The following DPP6 variants were observed in gnomAD, a reference collection of about 807,000 sequenced individuals.
DPP6 encodes the protein A-type potassium channel modulatory protein DPP6.
DPP6 carries 69 observed loss-of-function variants against 122.6 expected under a neutral mutation model. That is an observed-to-expected ratio of 0.56 (90% CI 0.46 to 0.69). The LOEUF is 0.69. Ranked by LOEUF, DPP6 falls within the 30% of genes least tolerant of loss-of-function variation. The pLI, the probability that DPP6 is intolerant of heterozygous loss-of-function variation, is 0.00. For missense variants in DPP6, 928 were observed against 1,116.9 expected (o/e 0.83, Z 2.41); for synonymous variants, 418 against 433.1 (o/e 0.97, Z 0.43).
At chr7:154,115,978 G>A (rs1265025408) in intron 1 of DPP6, among the ~76,000 whole-genome samples, 1 of 151,698 alleles carries the variant, frequency 6.6e-6, no homozygotes, top group Non-Finnish European at 1.5e-5. Context: ...GAACAGCTTA[G>A]TTATAAAGTC....
intron 6 of DPP6, among the ~76,000 whole-genome samples, chr7:154,649,488 C>A (rs1475771286): frequency 6.6e-6 from 1 of 152,190 alleles, no homozygotes; most frequent in Non-Finnish European, 1.5e-5. Flanking sequence ...CCATTAAGAA[C>A]TCTGCCTTTT....
chr7:154,838,667 T>TTAGGG (rs1801278613), intron 16 of DPP6: 1 of 152,208 alleles, frequency 6.6e-6, no homozygotes, highest in African/African-American at 2.4e-5. Flanking sequence ...TGCTGGCCCC[T>TTAGGG]AAGGACGCAC....
chr7:154,528,275 T>C (rs192672254), intron 3 of DPP6, among the ~76,000 whole-genome samples: 211 of 152,342 alleles, frequency 1.4e-3, no homozygotes, highest in African/African-American at 4.9e-3. Context: ...TCCCTATCCA[T>C]ATAGCGTTAA....
intron 1 of DPP6, among the ~76,000 whole-genome samples, chr7:154,330,882 T>C (rs1380952089): frequency 1.3e-5 from 2 of 152,208 alleles, no homozygotes; most frequent in African/African-American, 2.4e-5. Context: ...GCAGAGCAGC[T>C]GTATGACTCC....
intron 1 of DPP6, among the ~76,000 whole-genome samples, chr7:154,256,940 G>C (rs1802691579): frequency 6.6e-6 from 1 of 151,832 alleles, no homozygotes; most frequent in Non-Finnish European, 1.5e-5. Flanking sequence ...CCAGGCTTTA[G>C]AGTGACAGCA....
chr7:154,753,178 C>A (rs1843483745), intron 8 of DPP6, among the ~76,000 whole-genome samples: 1 of 152,188 alleles, frequency 6.6e-6, no homozygotes, highest in Admixed American at 6.5e-5. Flanking sequence ...TAAACAGTTT[C>A]TTTGGTGCTA....
At chr7:153,774,301 CGG>C in the DPP6 span, among the ~76,000 whole-genome samples, 1 of 151,978 alleles carries the variant, frequency 6.6e-6, no homozygotes, top group South Asian at 2.1e-4. Context: ...TCCTTTTCAC[CGG>C]AAGGTACAAT....
At chr7:154,746,617 C>A (rs1244320499) in intron 8 of DPP6, among the ~76,000 whole-genome samples, 5 of 152,192 alleles carry the variant, frequency 3.3e-5, no homozygotes, top group African/African-American at 1.2e-4. Flanking sequence ...CTTTGGACCA[C>A]AATCACCCAA....
At chr7:153,973,700 C>T (rs1191907869) in intron 1 of DPP6, among the ~76,000 whole-genome samples, 4 of 150,118 alleles carry the variant, frequency 2.7e-5, no homozygotes, top group Admixed American at 6.7e-5. Flanking sequence ...GTTTCAGTCT[C>T]TTCTCGTATT....
rs6942936 is a variant in DPP6, at chr7:154,000,813, G to A, written c.51+113079G>A. On this transcript the variant is annotated intron_variant, in intron 1 of 25. Coordinates refer to the DPP6 transcript ENST00000404039. Reference sequence around the variant, plus strand: ...GGCCACTGCGACCTCTCTTTTCTAGGCATAAACCTGAGTCCCTGGCCCAGG... The same window carrying A: ...GGCCACTGCGACCTCTCTTTTCTAGACATAAACCTGAGTCCCTGGCCCAGG... 5.8e-3 allele frequency among the ~76,000 whole-genome samples: 886 copies of A among 152,146 alleles called. 7 individuals carry two copies. Among genetic ancestry groups the A allele is most frequent in the African/African-American group, 0.021 (852 of 41,506 alleles).
intron 1 of DPP6, among the ~76,000 whole-genome samples, chr7:153,898,271 A>G (rs1012809248): frequency 2.0e-5 from 3 of 152,094 alleles, no homozygotes; most frequent in African/African-American, 4.8e-5. Context: ...TGGGCCACAC[A>G]ACAAGACGCC....
intron 1 of DPP6, among the ~76,000 whole-genome samples, chr7:154,061,242 C>A (rs566193084): frequency 4.7e-5 from 7 of 149,496 alleles, no homozygotes; most frequent in Admixed American, 2.0e-4. Flanking sequence ...GGACCCGGAA[C>A]TTTTGAAATG....
Position 154,052,541 on chromosome 7 carries a change from A to G in DPP6, c.-280A>G, listed in dbSNP as rs1229111551. Reference sequence around the variant, plus strand: ...GCAAGGAGTTGGGGAAAAAAATTATAAAAACAGGAAAGAGAGAAAGCACAG... The same window carrying G: ...GCAAGGAGTTGGGGAAAAAAATTATGAAAACAGGAAAGAGAGAAAGCACAG... On this transcript the variant is annotated 5_prime_UTR_variant, in exon 1 of 26. It adds an upstream start codon to the 5' untranslated region. Coordinates refer to ENST00000377770, the MANE Select transcript of DPP6 (RefSeq NM_130797.4). This position sits in a 1 kb window ranked among gnomAD's most constrained non-coding sequence, Gnocchi z 4.8. The G allele has an allele frequency of 5.2e-6, 5 of 953,424 alleles. No individual in the cohort carries two copies. Among genetic ancestry groups the G allele is most frequent in the African/African-American group, 1.8e-5 (1 of 56,858 alleles). The allele number at this position is 953,424 out of a possible 1,614,324, so 59.1% of individuals were successfully genotyped here.
At chr7:154,256,578 G>A (rs1165774280) in intron 1 of DPP6, among the ~76,000 whole-genome samples, 1 of 152,186 alleles carries the variant, frequency 6.6e-6, no homozygotes, top group Non-Finnish European at 1.5e-5. Context: ...GACAGAATTT[G>A]GGTTTGTTTC....
chr7:154,861,493 T>A (rs1169616021), intron 17 of DPP6, among the ~76,000 whole-genome samples: 1 of 152,222 alleles, frequency 6.6e-6, no homozygotes, highest in African/African-American at 2.4e-5. Flanking sequence ...GATATTTACA[T>A]TCCATTTGTC....
intron 17 of DPP6, among the ~76,000 whole-genome samples, chr7:154,860,347 T>C: frequency 6.6e-6 from 1 of 152,082 alleles, no homozygotes; most frequent in South Asian, 2.1e-4. Flanking sequence ...CGCCAAGGAG[T>C]TTGCCCGCCA....
At position 154,224,176 on chromosome 7, in the gene DPP6, A is replaced by C. The variant is rs924021922; in HGVS notation, c.243+171113A>C. Among the ~76,000 whole-genome samples the C allele has an allele frequency of 4.0e-5, 6 of 148,742 alleles. 1 individual carries two copies. Among genetic ancestry groups the C allele is most frequent in the African/African-American group, 1.5e-4 (6 of 38,786 alleles). On this transcript the variant is annotated intron_variant, in intron 1 of 25. Transcript: ENST00000377770. ...AACCATGATGGTGATGGTTGAGTGGAGAGAAATGGACAACGTTAAGAGATA... is the reference window on the plus strand; with the variant it reads ...AACCATGATGGTGATGGTTGAGTGGCGAGAAATGGACAACGTTAAGAGATA...
chr7:154,232,263 G>T (rs1800962514), intron 1 of DPP6, among the ~76,000 whole-genome samples: 2 of 152,160 alleles, frequency 1.3e-5, no homozygotes, highest in Admixed American at 6.5e-5. Flanking sequence ...CAGCAATCAA[G>T]ATTCCTTGGC....
rs775969209 is a variant in DPP6 at position 154,624,626 on chromosome 7, G to A, written c.628-13195G>A. ...ATGTGGGCACTAAGAGGATGACCCCGTGGTGGTCAGGTACCTTGCTGCTCT... is the reference window on the plus strand; with the variant it reads ...ATGTGGGCACTAAGAGGATGACCCCATGGTGGTCAGGTACCTTGCTGCTCT... On this transcript the variant is annotated intron_variant, in intron 5 of 25. Transcript: ENST00000377770. The surrounding 1 kb of genome is among the most constrained non-coding windows in gnomAD (Gnocchi z 4.7). Among the ~76,000 whole-genome samples the A allele has an allele frequency of 4.6e-5, 7 of 152,270 alleles. No individual in the cohort carries two copies. The highest frequency in any genetic ancestry group is 3.4e-3 in the Middle Eastern group (1 of 292).
Sources: allele counts gnomAD v4.1 joint callset (sites outside exome capture counted in the v4.1 genomes callset), GRCh38; gene constraint gnomAD v4.1.1; non-coding constraint Gnocchi (gnomAD v3.1); transcripts MANE v1.5; gene names NCBI Gene and HGNC (gene_info 2026-07-23, HGNC 2026-07-21).